LDLRAD3: variants seen among roughly 807,000 people sequenced by gnomAD.
The protein encoded by LDLRAD3 is low density lipoprotein receptor class A domain containing 3.
Under a neutral mutation model 29.4 loss-of-function variants are expected in LDLRAD3, and 20 were observed. The observed-to-expected ratio is 0.68, with a 90% confidence interval of 0.48 to 0.99. The LOEUF is 0.99. Among genes scored for constraint, LDLRAD3 ranks in the 50% least tolerant of loss-of-function variants. The pLI, the probability that LDLRAD3 is intolerant of heterozygous loss-of-function variation, is 0.00. For missense variants in LDLRAD3, 420 were observed against 454.3 expected (o/e 0.92, Z 0.69); for synonymous variants, 157 against 192.7 (o/e 0.81, Z 1.53).
intron 4 of LDLRAD3, among the ~76,000 whole-genome samples, chr11:36,226,066 CAAATAAATAAAT>C (rs3081279): frequency 2.0e-5 from 3 of 147,938 alleles, no homozygotes; most frequent in Non-Finnish European, 4.5e-5. Context: ...GACCCTGTCT[CAAATAAATAAAT>C]AAATAAATAA....
At chr11:35,972,250 A>G (rs548095687) in intron 1 of LDLRAD3, among the ~76,000 whole-genome samples, 3 of 152,204 alleles carry the variant, frequency 2.0e-5, no homozygotes, top group Admixed American at 6.5e-5. Context: ...GAATCACCAG[A>G]CCACTGTGCT....
chr11:35,996,596 T>C (rs1008969500), intron 1 of LDLRAD3, among the ~76,000 whole-genome samples: 2 of 152,122 alleles, frequency 1.3e-5, no homozygotes, highest in African/African-American at 4.8e-5. Context: ...TTGTGAAAAA[T>C]ATAATACTTA....
At chr11:36,083,888 G>A (rs1350036738) in intron 3 of LDLRAD3, among the ~76,000 whole-genome samples, 1 of 151,912 alleles carries the variant, frequency 6.6e-6, no homozygotes, top group Admixed American at 6.6e-5. Context: ...TAAAGACCTT[G>A]TATGATTTAA....
At chr11:36,210,240 C>T (rs1351393460) in intron 4 of LDLRAD3, among the ~76,000 whole-genome samples, 1 of 152,152 alleles carries the variant, frequency 6.6e-6, no homozygotes, top group Non-Finnish European at 1.5e-5. Flanking sequence ...GCTGCCTGCC[C>T]TCCGTGGGAT....
At chr11:36,110,015 C>G (rs554268110) in intron 4 of LDLRAD3, 2 of 152,310 alleles carry the variant, frequency 1.3e-5, no homozygotes, top group Admixed American at 1.3e-4. Context: ...CCCAGCTGGG[C>G]TGAGAGAGGC....
At chr11:36,023,905 GA>G (rs1852129597) in intron 1 of LDLRAD3, among the ~76,000 whole-genome samples, 2 of 152,182 alleles carry the variant, frequency 1.3e-5, no homozygotes, top group Admixed American at 1.3e-4. Context: ...ATCTAGGAAT[GA>G]TTTAAGGAGG....
intron 1 of LDLRAD3, among the ~76,000 whole-genome samples, chr11:35,955,954 G>A (rs12420179): frequency 0.029 from 4,424 of 152,288 alleles, 190 homozygotes; most frequent in African/African-American, 0.099. Flanking sequence ...ATCTACAGAA[G>A]TGCTCACTCA....
chr11:36,116,017 T>C (rs979023878), intron 4 of LDLRAD3, among the ~76,000 whole-genome samples: 5 of 152,202 alleles, frequency 3.3e-5, no homozygotes, highest in African/African-American at 1.2e-4. Flanking sequence ...TTAGTAGCTC[T>C]GTGATTTTGA....
Position 36,229,152 on chromosome 11 carries a change from C to T in LDLRAD3, c.801-8C>T. ...ATTGCCCCTGCCCCCCTGCTGTCCC[C>T]ATCACAGGCCTGCGTGGTATGACCT... On this transcript the variant is annotated splice_polypyrimidine_tract_variant and splice_region_variant and intron_variant, in intron 5 of 5. Transcript: ENST00000315571. 2 of 1,605,508 alleles carry T rather than the reference C, an allele frequency of 1.2e-6. No homozygotes were observed. Among genetic ancestry groups the T allele is most frequent in the South Asian group, 2.2e-5 (2 of 90,882 alleles).
chr11:36,172,382 C>T (rs770802500), intron 4 of LDLRAD3, among the ~76,000 whole-genome samples: 1 of 149,954 alleles, frequency 6.7e-6, no homozygotes, highest in Non-Finnish European at 1.5e-5. Context: ...ATAGAAGTGG[C>T]GGGCATCCTT....
At chr11:36,222,229 C>G (rs1046817154) in intron 4 of LDLRAD3, among the ~76,000 whole-genome samples, 1 of 152,074 alleles carries the variant, frequency 6.6e-6, no homozygotes, top group African/African-American at 2.4e-5. Flanking sequence ...CCACTACGCC[C>G]AGCTAATTTA....
chr11:36,017,205 A>G lies in LDLRAD3; in HGVS notation c.47-18898A>G, dbSNP rs116410476. Among the ~76,000 whole-genome samples the G allele has an allele frequency of 5.7e-3, 873 of 152,340 alleles. 12 individuals carry two copies. Among genetic ancestry groups the G allele is most frequent in the African/African-American group, 0.02 (827 of 41,568 alleles). On this transcript the variant is annotated intron_variant, in intron 1 of 5. Transcript: ENST00000315571. ...TCATGGCTTCCCATTGAAATTCTCA[A>G]AAAATTGCCCTGTTGGATGAGTTGA...
At chr11:36,185,800 A>T (rs1173657452) in intron 4 of LDLRAD3, among the ~76,000 whole-genome samples, 1 of 152,208 alleles carries the variant, frequency 6.6e-6, no homozygotes, top group East Asian at 1.9e-4. Flanking sequence ...AACTCCTCAG[A>T]GAAGAAATAA....
intron 1 of LDLRAD3, among the ~76,000 whole-genome samples, chr11:35,999,188 C>A (rs1233899847): frequency 6.6e-6 from 1 of 152,092 alleles, no homozygotes; most frequent in Non-Finnish European, 1.5e-5. Flanking sequence ...GTTCATGGGG[C>A]CTTTATGATC....
At chr11:35,948,898 A>G (rs1486028679) in intron 1 of LDLRAD3, among the ~76,000 whole-genome samples, 1 of 152,126 alleles carries the variant, frequency 6.6e-6, no homozygotes, top group Non-Finnish European at 1.5e-5. Flanking sequence ...CTCTTCACCC[A>G]CAGCGGTGAC....
chr11:36,115,917 C>G (rs1159325087), intron 4 of LDLRAD3, among the ~76,000 whole-genome samples: 1 of 152,146 alleles, frequency 6.6e-6, no homozygotes, highest in African/African-American at 2.4e-5. Flanking sequence ...TGCAAGGCCT[C>G]CCCCTTACCT....
chr11:36,051,967 G>T (rs952258305), intron 2 of LDLRAD3, among the ~76,000 whole-genome samples: 1 of 150,926 alleles, frequency 6.6e-6, no homozygotes, highest in African/African-American at 2.4e-5. Context: ...AAAGCTGCTG[G>T]AATAGAATTC....
At chr11:35,989,254 A>G (rs571524677) in intron 1 of LDLRAD3, among the ~76,000 whole-genome samples, 4 of 152,262 alleles carry the variant, frequency 2.6e-5, no homozygotes, top group Non-Finnish European at 2.9e-5. Context: ...TACCATTACC[A>G]TGCTGTTTTG....
intron 1 of LDLRAD3, among the ~76,000 whole-genome samples, chr11:35,971,759 T>G (rs375183807): frequency 1.3e-5 from 2 of 152,240 alleles, no homozygotes; most frequent in African/African-American, 4.8e-5. Flanking sequence ...GGAGCAATAT[T>G]GTGGGTATTC....
Sources: allele counts gnomAD v4.1 joint callset (sites outside exome capture counted in the v4.1 genomes callset), GRCh38; gene constraint gnomAD v4.1.1; transcripts MANE v1.5; gene names NCBI Gene and HGNC (gene_info 2026-07-23, HGNC 2026-07-21).